Variants in SAMD3 observed in about 807,000 individuals in gnomAD.
SAMD3 encodes sterile alpha motif domain-containing protein 3.
A neutral mutation model predicts 58.5 loss-of-function variants in SAMD3; 63 were observed. The ratio of observed to expected loss-of-function variants is 1.08; its 90% confidence interval spans 0.88 to 1.33. The LOEUF is 1.33. Among genes scored for constraint, SAMD3 ranks in the 40% most tolerant of loss-of-function variants. SAMD3 has a pLI of 0.00. For missense variants in SAMD3, 604 were observed against 608.4 expected, an observed-to-expected ratio of 0.99 and a Z score of 0.08; for synonymous variants, 220 against 210.3, an observed-to-expected ratio of 1.05 and a Z score of -0.40.
intron 2 of SAMD3, among the ~76,000 whole-genome samples, chr6:130,240,075 A>G (rs1235262771): frequency 6.6e-6 from 1 of 152,254 alleles, no homozygotes; most frequent in Non-Finnish European, 1.5e-5. Flanking sequence ...CTGGAATGCA[A>G]ACCCATGCTG....
chr6:130,230,055 T>TA (rs1796499183), intron 2 of SAMD3, among the ~76,000 whole-genome samples: 1 of 152,266 alleles, frequency 6.6e-6, no homozygotes, highest in African/African-American at 2.4e-5. Context: ...CATTATATCT[T>TA]ATGTAATACA....
At chr6:130,271,647 AT>A (rs1345641663) in intron 2 of SAMD3, among the ~76,000 whole-genome samples, 11 of 152,148 alleles carry the variant, frequency 7.2e-5, no homozygotes, top group Admixed American at 7.2e-4. Context: ...CCCTCAGCAG[AT>A]TTTACATAGG....
At chr6:130,179,374 G>A (rs1792046873) in intron 7 of SAMD3, among the ~76,000 whole-genome samples, 1 of 152,122 alleles carries the variant, frequency 6.6e-6, no homozygotes, top group South Asian at 2.1e-4. Flanking sequence ...GCTAGAGAGG[G>A]TGTAGAAAGT....
chr6:130,318,651 A>AC (rs1409336676), intron 1 of SAMD3, among the ~76,000 whole-genome samples: 1 of 152,108 alleles, frequency 6.6e-6, no homozygotes, highest in African/African-American at 2.4e-5. Context: ...CTGGTCTTGA[A>AC]CACCTGACCT....
intron 2 of SAMD3, among the ~76,000 whole-genome samples, chr6:130,308,490 C>T (rs1776026679): frequency 6.6e-6 from 1 of 150,590 alleles, no homozygotes; most frequent in Non-Finnish European, 1.5e-5. Context: ...CATCTGTAGG[C>T]CAACCTAGAA....
At chr6:130,213,741 C>T (rs1264327279) in intron 4 of SAMD3, among the ~76,000 whole-genome samples, 1 of 152,050 alleles carries the variant, frequency 6.6e-6, no homozygotes, top group Non-Finnish European at 1.5e-5. Flanking sequence ...AAAACCGTCC[C>T]CAAACTTCAG....
chr6:130,156,338 G>GA (rs887962529), intron 8 of SAMD3, among the ~76,000 whole-genome samples: 1 of 151,242 alleles, frequency 6.6e-6, no homozygotes, highest in East Asian at 1.9e-4. Context: ...AAAAAGAAAA[G>GA]AAAAAAAAGG....
At chr6:130,295,630 CA>C (rs2114968959) in intron 2 of SAMD3, among the ~76,000 whole-genome samples, 1 of 152,278 alleles carries the variant, frequency 6.6e-6, no homozygotes, top group South Asian at 2.1e-4. Flanking sequence ...TTTCCACTGA[CA>C]ACTTCCAGCA....
intron 5 of SAMD3, among the ~76,000 whole-genome samples, chr6:130,202,148 C>T (rs147045987): frequency 5.8e-4 from 88 of 152,324 alleles, no homozygotes; most frequent in African/African-American, 1.9e-3. Context: ...CAGATATCTT[C>T]CCCTGACAGA....
In SAMD3 at chr6:130,261,019, GA is replaced by G. The variant is rs562659078; in HGVS notation, c.-187-38207del. On this transcript the variant is annotated intron_variant, in intron 2 of 13. Coordinates refer to the SAMD3 transcript ENST00000368134. ...AATTGCTTGACAGGACTGGTCTTGGGAACTTGCCCACTCCATTTGAGTGGAA... is the reference window on the plus strand; with the variant it reads ...AATTGCTTGACAGGACTGGTCTTGGGACTTGCCCACTCCATTTGAGTGGAA... 9.1e-3 allele frequency among the ~76,000 whole-genome samples: 1,387 copies of G among 152,206 alleles called. 19 individuals are homozygous for G. The highest frequency in any genetic ancestry group is 0.031 in the African/African-American group (1,302 of 41,534).
intron 1 of SAMD3, among the ~76,000 whole-genome samples, chr6:130,219,273 C>G (rs1002563983): frequency 1.3e-5 from 2 of 152,038 alleles, no homozygotes; most frequent in African/African-American, 4.8e-5. Context: ...GGGGCTGTCT[C>G]TATACGTTAT....
chr6:130,231,349 A>C (rs1391506277), intron 2 of SAMD3, among the ~76,000 whole-genome samples: 1 of 152,186 alleles, frequency 6.6e-6, no homozygotes, highest in Non-Finnish European at 1.5e-5. Flanking sequence ...AGATCACTTA[A>C]GGTCAGGAGT....
Position 130,348,976 on chromosome 6 carries a change from C to A in SAMD3, c.-304+16144G>T, listed in dbSNP as rs1035494460. ...AACTGAACAACCTGCTCCTGAATGA[C>A]TACTGGGTACATAACGAAATGAAGG... On this transcript the variant is annotated intron_variant, in intron 1 of 13. Transcript: ENST00000368134. 4.9e-4 allele frequency among the ~76,000 whole-genome samples: 74 copies of A among 152,228 alleles called. No individual in the cohort carries two copies. In the East Asian group the frequency reaches 0.013, roughly 27 times the overall value.
At chr6:130,281,399 G>T (rs182181886) in intron 2 of SAMD3, among the ~76,000 whole-genome samples, 1 of 152,088 alleles carries the variant, frequency 6.6e-6, no homozygotes, top group Non-Finnish European at 1.5e-5. Flanking sequence ...GTTAAATTAG[G>T]GTTAGAGGTG....
chr6:130,281,221 T>C (rs924415803), intron 2 of SAMD3, among the ~76,000 whole-genome samples: 2 of 152,230 alleles, frequency 1.3e-5, no homozygotes, highest in African/African-American at 4.8e-5. Flanking sequence ...AAAGCAATAC[T>C]GTGTATAAGG....
intron 7 of SAMD3, chr6:130,183,167 T>C (rs1562409556): frequency 2.0e-5 from 7 of 352,084 alleles, no homozygotes; most frequent in South Asian, 1.3e-4. Context: ...TACATTAGAA[T>C]AATCCCATCC....
intron 2 of SAMD3, among the ~76,000 whole-genome samples, chr6:130,247,142 T>C (rs1583002156): frequency 6.6e-6 from 1 of 152,098 alleles, no homozygotes; most frequent in African/African-American, 2.4e-5. Flanking sequence ...TTAAAGATTA[T>C]TGTTGTCATG....
intron 2 of SAMD3, among the ~76,000 whole-genome samples, chr6:130,274,587 T>G (rs1362040782): frequency 1.3e-5 from 2 of 152,024 alleles, no homozygotes; most frequent in East Asian, 3.9e-4. Context: ...CCAAAGAGAT[T>G]TTATGTTGAG....
At chr6:130,183,657 A>C (rs1792632450) in intron 7 of SAMD3, among the ~76,000 whole-genome samples, 1 of 152,174 alleles carries the variant, frequency 6.6e-6, no homozygotes. Flanking sequence ...CATAATCACT[A>C]TCCATTTTGG....
Sources: gnomAD v4.1 joint callset for allele counts (sites outside exome capture counted in the v4.1 genomes callset) on GRCh38, gnomAD v4.1.1 for gene constraint, MANE v1.5 for transcripts, NCBI Gene and HGNC (gene_info 2026-07-23, HGNC 2026-07-21) for gene names.